CFAP95: variants seen among roughly 807,000 people sequenced by gnomAD.
CFAP95 encodes cilia- and flagella-associated protein 95.
the CFAP95 span, among the ~76,000 whole-genome samples, chr9:69,843,504 CCCCTCCTCCTCCT>C: frequency 4.9e-3 from 36 of 7,310 alleles, 6 homozygotes; most frequent in Non-Finnish European, 8.9e-3. Flanking sequence ...TCCTCCTCCC[CCCCTCCTCCTCCT>C]CCTCCTCCTC....
the CFAP95 span, among the ~76,000 whole-genome samples, chr9:69,879,960 T>C: frequency 1.3e-5 from 2 of 152,162 alleles, no homozygotes; most frequent in South Asian, 2.1e-4. Context: ...TATACTTTTA[T>C]ATATTTTTGT....
the CFAP95 span, among the ~76,000 whole-genome samples, chr9:69,871,297 A>G: frequency 5.4e-3 from 827 of 152,294 alleles, 10 homozygotes; most frequent in African/African-American, 0.019. Flanking sequence ...TCATCAAGCA[A>G]GAATTTGCAG....
chr9:69,899,411 A>C, the CFAP95 span, among the ~76,000 whole-genome samples: 1 of 152,236 alleles, frequency 6.6e-6, no homozygotes, highest in Non-Finnish European at 1.5e-5. Context: ...TCTTCAATCC[A>C]TTTAAAGCTT....
At chr9:69,824,211 G>C in the CFAP95 span, among the ~76,000 whole-genome samples, 1 of 152,168 alleles carries the variant, frequency 6.6e-6, no homozygotes, top group Non-Finnish European at 1.5e-5. Flanking sequence ...TTGAACTAAG[G>C]ATAGGGACAA....
At chr9:69,831,922 C>T in the CFAP95 span, among the ~76,000 whole-genome samples, 61 of 152,220 alleles carry the variant, frequency 4.0e-4, no homozygotes, top group African/African-American at 1.4e-3. Context: ...AACATTTATC[C>T]ATCTATCTAT....
At chr9:69,837,167 T>A in the CFAP95 span, among the ~76,000 whole-genome samples, 1 of 152,180 alleles carries the variant, frequency 6.6e-6, no homozygotes, top group African/African-American at 2.4e-5. Flanking sequence ...TCTTTGCTAT[T>A]GTGAATAATG....
the CFAP95 span, among the ~76,000 whole-genome samples, chr9:69,868,428 G>T: frequency 4.2e-4 from 64 of 152,160 alleles, 1 homozygote; most frequent in Middle Eastern, 6.8e-3. Context: ...GAGGCCAAGG[G>T]CAGTGAATCA....
At chr9:69,842,048 T>C in the CFAP95 span, among the ~76,000 whole-genome samples, 1 of 152,240 alleles carries the variant, frequency 6.6e-6, no homozygotes. Context: ...GAAGATTGGG[T>C]CTCCCATGTG....
At chr9:69,870,676 G>A in the CFAP95 span, among the ~76,000 whole-genome samples, 1 of 152,202 alleles carries the variant, frequency 6.6e-6, no homozygotes, top group Non-Finnish European at 1.5e-5. Flanking sequence ...CTACATGATT[G>A]TTTTCAGCTT....
chr9:69,851,882 A>AT, the CFAP95 span, among the ~76,000 whole-genome samples: 1 of 151,760 alleles, frequency 6.6e-6, no homozygotes, highest in African/African-American at 2.4e-5. Context: ...TAGAGAAAAA[A>AT]AAAAAAGAAG....
the CFAP95 span, among the ~76,000 whole-genome samples, chr9:69,898,697 G>T: frequency 6.6e-6 from 1 of 152,046 alleles, no homozygotes; most frequent in Non-Finnish European, 1.5e-5. Flanking sequence ...ATCATCCATG[G>T]TCCCAATAAT....
the CFAP95 span, among the ~76,000 whole-genome samples, chr9:69,844,935 T>C: frequency 1.3e-5 from 2 of 152,228 alleles, no homozygotes; most frequent in African/African-American, 4.8e-5. Context: ...TCCTGCTAGA[T>C]GTCTCCTTTC....
chr9:69,850,435 A>G, the CFAP95 span, among the ~76,000 whole-genome samples: 2 of 152,228 alleles, frequency 1.3e-5, no homozygotes, highest in Non-Finnish European at 2.9e-5. Context: ...TAGATTAAGA[A>G]TAGCCAAATA....
chr9:69,851,411 A>T, the CFAP95 span, among the ~76,000 whole-genome samples: 3 of 152,310 alleles, frequency 2.0e-5, no homozygotes, highest in African/African-American at 7.2e-5. Context: ...CATCAAAATG[A>T]TGAATTTCAT....
At chr9:69,850,030 C>T in the CFAP95 span, among the ~76,000 whole-genome samples, 3 of 152,180 alleles carry the variant, frequency 2.0e-5, no homozygotes, top group African/African-American at 4.8e-5. Context: ...CACAACACTA[C>T]CAAAGGCCCT....
At chr9:69,825,516 G>C in the CFAP95 span, among the ~76,000 whole-genome samples, 1 of 152,156 alleles carries the variant, frequency 6.6e-6, no homozygotes, top group African/African-American at 2.4e-5. Flanking sequence ...CAACTGAAGT[G>C]GTCGATAGAG....
chr9:69,898,416 C>T, the CFAP95 span, among the ~76,000 whole-genome samples: 1 of 152,128 alleles, frequency 6.6e-6, no homozygotes, highest in South Asian at 2.1e-4. Context: ...TGGCTGTATA[C>T]CAATCAACAT....
At chr9:69,844,395 TAATA>T in the CFAP95 span, 1 of 556,114 alleles carries the variant, frequency 1.8e-6, no homozygotes, top group African/African-American at 2.0e-5. Context: ...GTCACAAATC[TAATA>T]AATTTATACT....
the CFAP95 span, among the ~76,000 whole-genome samples, chr9:69,879,520 A>G: frequency 6.6e-6 from 1 of 152,200 alleles, no homozygotes; most frequent in Admixed American, 6.5e-5. Context: ...AGCTGTGCGC[A>G]TATGTAATGG....
Sources: gnomAD v4.1 joint callset for allele counts (sites outside exome capture counted in the v4.1 genomes callset) on GRCh38, gnomAD v4.1.1 for gene constraint, MANE v1.5 for transcripts, NCBI Gene and HGNC (gene_info 2026-07-23, HGNC 2026-07-21) for gene names.